TSHZ3: variants seen among roughly 807,000 people sequenced by gnomAD.
The protein encoded by TSHZ3 is teashirt zinc finger homeobox 3.
TSHZ3 carries 10 observed loss-of-function variants against 64.5 expected under a neutral mutation model. The ratio of observed to expected loss-of-function variants is 0.16; its 90% CI spans 0.10 to 0.26. The LOEUF (loss-of-function observed/expected upper bound fraction) is 0.26, where lower values mean the gene tolerates loss of function less well. Among genes scored for constraint, TSHZ3 ranks in the 10% least tolerant of loss-of-function variants. The pLI is 1.00. For missense variants in TSHZ3, 1,242 were observed against 1,421.7 expected, an observed-to-expected ratio of 0.87 and a Z score of 2.03; for synonymous variants, 608 against 593.1, an observed-to-expected ratio of 1.03 and a Z score of -0.36.
At chr19:31,223,830 T>G (rs1406809927) in intron 4 of TSHZ3, among the ~76,000 whole-genome samples, 1 of 151,626 alleles carries the variant, frequency 6.6e-6, no homozygotes, top group African/African-American at 2.4e-5. Context: ...AGGCCTTGAC[T>G]GTCCTAGCTG....
intron 3 of TSHZ3, among the ~76,000 whole-genome samples, chr19:31,241,231 T>C (rs1975684411): frequency 6.6e-6 from 1 of 152,174 alleles, no homozygotes; most frequent in African/African-American, 2.4e-5. Context: ...AAATAATAAA[T>C]GGAAAGTCCA....
intron 1 of TSHZ3, among the ~76,000 whole-genome samples, chr19:31,282,709 C>A (rs182416423): frequency 2.0e-5 from 3 of 152,330 alleles, no homozygotes; most frequent in Non-Finnish European, 4.4e-5. Context: ...GTCAGAATGT[C>A]ATCAGTCTGA....
chr19:31,309,603 G>T (rs1916398221), intron 1 of TSHZ3, among the ~76,000 whole-genome samples: 1 of 152,164 alleles, frequency 6.6e-6, no homozygotes, highest in African/African-American at 2.4e-5. Flanking sequence ...CTGGAAACAG[G>T]CCCCGAACTA....
intron 4 of TSHZ3, among the ~76,000 whole-genome samples, chr19:31,211,374 G>T (rs182696867): frequency 6.6e-6 from 1 of 152,212 alleles, no homozygotes. Context: ...GCAACTCATA[G>T]TCTAATGACA....
chr19:31,271,478 C>T (rs561996840), downstream of TSHZ3, among the ~76,000 whole-genome samples: 8 of 152,312 alleles, frequency 5.3e-5, no homozygotes, highest in Non-Finnish European at 7.3e-5. Flanking sequence ...CCACACGGCA[C>T]GCAGGAAGGT....
At chr19:31,227,713 T>C (rs974205825) in intron 4 of TSHZ3, among the ~76,000 whole-genome samples, 1 of 152,020 alleles carries the variant, frequency 6.6e-6, no homozygotes, top group African/African-American at 2.4e-5. Context: ...GGAGGTAGGT[T>C]TCTCTCACTT....
At chr19:31,182,758 A>G (rs1974737087) in intron 5 of TSHZ3, among the ~76,000 whole-genome samples, 1 of 152,174 alleles carries the variant, frequency 6.6e-6, no homozygotes, top group African/African-American at 2.4e-5. Flanking sequence ...CTTAGACAAA[A>G]AAATACATAT....
chr19:31,165,213 G>A (rs1025463628), intron 5 of TSHZ3, among the ~76,000 whole-genome samples: 2 of 152,180 alleles, frequency 1.3e-5, no homozygotes, highest in Admixed American at 1.3e-4. Context: ...TTCAGCTACC[G>A]CTGTGAACCC....
chr19:31,233,464 G>T (rs1357054693), intron 3 of TSHZ3, among the ~76,000 whole-genome samples: 4 of 152,132 alleles, frequency 2.6e-5, no homozygotes, highest in Non-Finnish European at 5.9e-5. Context: ...AGTTGTAAGA[G>T]AACTTTGTAG....
intron 4 of TSHZ3, among the ~76,000 whole-genome samples, chr19:31,220,397 C>T (rs566555294): frequency 1.4e-4 from 21 of 152,134 alleles, no homozygotes; most frequent in Admixed American, 3.9e-4. Flanking sequence ...AAGTGAAGGG[C>T]GACAGGTTGT....
intron 1 of TSHZ3, among the ~76,000 whole-genome samples, chr19:31,336,029 T>G (rs1348859480): frequency 6.6e-6 from 1 of 152,234 alleles, no homozygotes; most frequent in Non-Finnish European, 1.5e-5. Context: ...TTCCTTTTCA[T>G]GAATTCTAAT....
chr19:31,214,228 C>T (rs933480970), intron 4 of TSHZ3, among the ~76,000 whole-genome samples: 1 of 152,216 alleles, frequency 6.6e-6, no homozygotes, highest in Admixed American at 6.5e-5. Flanking sequence ...AATATGTCTT[C>T]CTGTACAGGA....
chr19:31,340,710 G>A (rs1001047729), intron 1 of TSHZ3, among the ~76,000 whole-genome samples: 6 of 152,198 alleles, frequency 3.9e-5, no homozygotes, highest in Admixed American at 6.5e-5. Flanking sequence ...AGTCACTACC[G>A]GGAGGACTGG....
intron 5 of TSHZ3, among the ~76,000 whole-genome samples, chr19:31,199,236 T>C (rs1188166415): frequency 2.0e-5 from 3 of 151,422 alleles, no homozygotes; most frequent in Non-Finnish European, 2.9e-5. Context: ...AAACCTCATC[T>C]CTACTAAAAA....
intron 1 of TSHZ3, among the ~76,000 whole-genome samples, chr19:31,264,850 G>A (rs931650805): frequency 2.6e-5 from 4 of 152,064 alleles, no homozygotes; most frequent in South Asian, 2.1e-4. Flanking sequence ...GCCAGTCAAC[G>A]AAGGTTCCTC....
chr19:31,252,776 T>C (rs2045979772), intron 1 of TSHZ3, among the ~76,000 whole-genome samples: 3 of 152,220 alleles, frequency 2.0e-5, no homozygotes. Flanking sequence ...TTCTTCATAG[T>C]AGTATGAGAA....
chr19:31,235,996 C>T (rs1474978544), intron 3 of TSHZ3, among the ~76,000 whole-genome samples: 1 of 152,092 alleles, frequency 6.6e-6, no homozygotes, highest in African/African-American at 2.4e-5. Context: ...GCTACCGTGC[C>T]CAGCCACGTA....
At chr19:31,212,690 T>C (rs1266547839) in intron 4 of TSHZ3, among the ~76,000 whole-genome samples, 1 of 152,136 alleles carries the variant, frequency 6.6e-6, no homozygotes. Flanking sequence ...GAAGACAGTT[T>C]GGTGGCTTCT....
At position 31,349,240 on chromosome 19, in the gene TSHZ3, C is replaced by T; in HGVS notation, c.-21G>A. ...GGCATGATGCTTCTCCGGCGACTGC[C>T]ACTGCCGCCGCCGCCGCCGCTGCCG... On this transcript the variant is annotated 5_prime_UTR_variant, in exon 1 of 2. Transcript: ENST00000240587. The T allele has an allele frequency of 6.5e-7, 1 of 1,533,722 alleles. No individual in the cohort carries two copies. The highest frequency in any genetic ancestry group is 8.8e-7 in the Non-Finnish European group (1 of 1,142,000).
Sources: gnomAD v4.1 joint callset for allele counts (sites outside exome capture counted in the v4.1 genomes callset) on GRCh38, gnomAD v4.1.1 for gene constraint, MANE v1.5 for transcripts, NCBI Gene and HGNC (gene_info 2026-07-23, HGNC 2026-07-21) for gene names.